Variants in PLEC observed in about 807,000 individuals in gnomAD.
The protein encoded by PLEC is hemidesmosomal protein 1.
In PLEC, 216 loss-of-function variants were observed where a neutral mutation model predicts 392.8. The ratio of observed to expected loss-of-function variants is 0.55; its 90% CI spans 0.49 to 0.62. The LOEUF (loss-of-function observed/expected upper bound fraction) is 0.62. Among genes scored for constraint, PLEC ranks in the 20% least tolerant of loss-of-function variants. The pLI is 0.00. For synonymous variants in PLEC, 3,621 were observed against 2,980.6 expected, an observed-to-expected ratio of 1.21 and a Z score of -7.00; for missense variants, 6,863 against 6,563.4, an observed-to-expected ratio of 1.05 and a Z score of -1.58.
intron 6 of PLEC, among the ~76,000 whole-genome samples, chr8:143,935,621 G>A (rs1210912470): frequency 6.6e-6 from 1 of 152,150 alleles, no homozygotes; most frequent in Non-Finnish European, 1.5e-5. Context: ...ACCTGGCTGT[G>A]AGGACCAGCA....
rs200892962 is a variant in PLEC at position 143,921,767 on chromosome 8, C to T, written c.8054G>A (p.Arg2685Gln). The T allele has an allele frequency of 4.5e-5, 72 of 1,612,092 alleles. No homozygotes were observed. Among genetic ancestry groups the T allele is most frequent in the South Asian group, 4.3e-4 (39 of 91,078 alleles). Residue 2685 changes from arginine (R) to glutamine (Q), a missense_variant, in exon 32 of 32, where the codon CGG becomes CAG. Physicochemically the swap from Arg to Gln is conservative, Grantham distance 43. Coordinates refer to ENST00000345136, the MANE Select transcript of PLEC (RefSeq NM_201384.3). Reference sequence around the variant, plus strand: ...CTGCAGGTAGTGGCGCACGTCTTCCCGCCGTGCGAGCTCGTCCACCGTGGT... The same window carrying T: ...CTGCAGGTAGTGGCGCACGTCTTCCTGCCGTGCGAGCTCGTCCACCGTGGT... ...GHTTVDELARREDVRHYLQGR... is the reference protein window; with the variant it reads ...GHTTVDELARQEDVRHYLQGR...
rs781956194 is a variant in PLEC, at chr8:143,923,288, G to A, written c.6641C>T (p.Ala2214Val). Residue 2214 changes from alanine (A) to valine (V), a missense_variant, in exon 31 of 32, where the codon GCG (alanine) becomes GTG (valine). By Grantham distance (64) the Ala-to-Val change is moderately conservative. Transcript: ENST00000345136. ...CTGGCGTGCGGCCTCCGTGGCCTCC[G>A]CCTTCAGCCGCTGCAGCTCCTCGTC... ...LLDEELQRLKAEATEAARQRS... is the reference protein window; with the variant it reads ...LLDEELQRLKVEATEAARQRS... 1.7e-5 allele frequency: 28 copies of A among 1,607,826 alleles called. No individual in the cohort carries two copies. Among genetic ancestry groups the A allele is most frequent in the South Asian group, 8.8e-5 (8 of 90,938 alleles).
chr8:143,928,951 G>A (rs1411508163), intron 25 of PLEC, 152 bp downstream of exon 25: 12 of 697,398 alleles, frequency 1.7e-5, no homozygotes, highest in Admixed American at 9.3e-5. Context: ...CCACCTCTGC[G>A]GCCACCACCC....
intron 1 of PLEC, among the ~76,000 whole-genome samples, chr8:143,960,243 T>C (rs1262106000): frequency 6.7e-6 from 1 of 150,008 alleles, no homozygotes; most frequent in African/African-American, 2.5e-5. Context: ...GATCATGCCA[T>C]TGTACTCCAG....
Position 143,922,369 on chromosome 8 carries a change from C to T in PLEC, c.7452G>A (p.Leu2484=), listed in dbSNP as rs1554689548. Residue 2484 remains leucine, a synonymous_variant, in exon 32 of 32, where the codon CTG becomes CTA. Transcript: ENST00000345136. ...GCTGCAGGGCCTGCGTCTCCTGCAG[C>T]AGCTGCTCCTGCTGCACCGTCTGCA... ...EEMQTVQQEQ[L]LQETQALQQS... 3.1e-6 allele frequency: 5 copies of T among 1,603,382 alleles called. No homozygotes were observed. The highest frequency in any genetic ancestry group is 1.7e-5 in the Admixed American group (1 of 60,002).
intron 1 of PLEC, among the ~76,000 whole-genome samples, chr8:143,963,809 A>AT (rs1190132489): frequency 0.22 from 25,836 of 119,900 alleles, 3,660 homozygotes; most frequent in Middle Eastern, 0.3. Context: ...CACCTGGCTA[A>AT]TTTTTTTTTT....
intron 1 of PLEC, among the ~76,000 whole-genome samples, chr8:143,948,845 C>T (rs1404956770): frequency 2.0e-5 from 3 of 151,902 alleles, no homozygotes; most frequent in South Asian, 2.1e-4. Context: ...GCCAAATGAC[C>T]GGGGAGTGGG....
chr8:143,923,916 T>C lies in PLEC; in HGVS notation c.6013A>G (p.Lys2005Glu). ...CGCTCGACTTCCTCCAGCGCCGCCT[T>C]CCGCTGCCGTGCGGCCTCCTCCTCG... ...AAEEEAARQRKAALEEVERLK... is the reference protein window; with the variant it reads ...AAEEEAARQREAALEEVERLK... Residue 2005 changes from lysine (K) to glutamate (E), a missense_variant, in exon 31 of 32, where the codon AAG (lysine) becomes GAG (glutamate). Transcript: ENST00000345136. 4 of 1,594,846 alleles carry C rather than the reference T, an allele frequency of 2.5e-6. No individual in the cohort carries two copies. The highest frequency in any genetic ancestry group is 3.4e-6 in the Non-Finnish European group (4 of 1,178,154).
chr8:143,942,600 T>A, upstream of PLEC: 1 of 1,433,066 alleles, frequency 7.0e-7, no homozygotes, highest in South Asian at 1.4e-5. Flanking sequence ...CAGCCCACGC[T>A]GCGAGGCTGC....
rs782631758 is a variant in PLEC, at chr8:143,921,078, C to T, written c.8743G>A (p.Gly2915Ser). The change falls in exon 32 of 32, where the codon GGC becomes AGC. Residue 2915 changes from glycine to serine, a missense_variant. Transcript: ENST00000345136. Reference sequence around the variant, plus strand: ...GTCACCGTCTTGCCCTGGAACTTGCCGAACGGCGCAGACACGGTGGCCTTC... The same window carrying T: ...GTCACCGTCTTGCCCTGGAACTTGCTGAACGGCGCAGACACGGTGGCCTTC... ...FEKATVSAPF[G>S]KFQGKTVTIW... 18 of 1,611,764 alleles carry T rather than the reference C, an allele frequency of 1.1e-5. No individual in the cohort carries two copies. Among genetic ancestry groups the T allele is most frequent in the South Asian group, 8.8e-5 (8 of 91,096 alleles).
rs782002558 is a variant in PLEC, at chr8:143,934,869, G to T, written c.886C>A (p.Arg296=). Residue 296 remains arginine (R), a synonymous_variant, in exon 9 of 32, where the codon CGA becomes AGA. Transcript: ENST00000345136. ...TCCTCAAAGGCGGCCGTGTGGTGTC[G>T]CATCCACTGAAGCAGCAGCAGCACC... is the stretch of plus-strand genomic sequence containing the variant. ...ELVLLLLQWM[R]HHTAAFEERR... is the part of the protein sequence containing the mutation. The T allele has an allele frequency of 5.6e-6, 9 of 1,611,116 alleles. No individual in the cohort carries two copies. Among genetic ancestry groups the T allele is most frequent in the Non-Finnish European group, 6.8e-6 (8 of 1,179,728 alleles).
At chr8:143,952,112 G>A (rs983599872), upstream of PLEC, among the ~76,000 whole-genome samples, 15 of 152,156 alleles carry the variant, frequency 9.9e-5, no homozygotes, top group Non-Finnish European at 2.9e-5. Flanking sequence ...CAGCCGGCAG[G>A]CGGCCAACAA....
chr8:143,934,313 C>T lies in PLEC; in HGVS notation c.1169+5G>A, dbSNP rs368341687. 5 of 1,611,920 alleles carry T rather than the reference C, an allele frequency of 3.1e-6. No individual in the cohort carries two copies. Among genetic ancestry groups the T allele is most frequent in the African/African-American group, 1.3e-5 (1 of 75,048 alleles). ...GTTCCCCTGCCACCACAGGGCCCCA[C>T]CCACCTCTCAAACTCGCTGCGGAGC... On this transcript the variant is annotated splice_donor_5th_base_variant and intron_variant, in intron 11 of 31. Coordinates refer to ENST00000345136, the MANE Select transcript of PLEC (RefSeq NM_201384.3).
At position 143,932,414 on chromosome 8, in the gene PLEC, T is replaced by C. The variant is rs782382496; in HGVS notation, c.1963A>G (p.Lys655Glu). 47 of 1,612,706 alleles carry C rather than the reference T, an allele frequency of 2.9e-5. No individual in the cohort carries two copies. The South Asian group carries it at 4.9e-4, about 17-fold the overall frequency. ...CCACCGCTCACCGAGTAGCTCTCCT[T>C]CTTGGCGGTCATGTTGGTGTTGCGG... ...SDRNTNMTAK[K>E]ESYSALMREL... is the part of the protein sequence containing the mutation. The change falls in exon 16 of 32, where the codon AAG becomes GAG. Residue 655 changes from lysine to glutamate, a missense_variant. Coordinates refer to ENST00000345136, the MANE Select transcript of PLEC (RefSeq NM_201384.3).
chr8:143,944,739 G>A (rs1217558613), intron 1 of PLEC: 1 of 1,262,062 alleles, frequency 7.9e-7, no homozygotes, highest in East Asian at 3.1e-5. Context: ...CCTCGGAGGA[G>A]GCACAAGCCA....
In PLEC at chr8:143,925,094, C is replaced by A. The variant is rs1041351510; in HGVS notation, c.4835G>T (p.Arg1612Leu). Residue 1612 changes from arginine to leucine, a missense_variant, in exon 31 of 32, where the codon CGG (arginine) becomes CTG (leucine). By Grantham distance (102) the Arg-to-Leu change is moderately radical. Transcript: ENST00000345136. ...AVAQLREEAE[R>L]RAQQQAEAER... Reference sequence around the variant, plus strand: ...GGCCTCGGCCTGCTGCTGTGCCCGCCGCTCAGCCTCCTCCCGCAGCTGTGC... The same window carrying A: ...GGCCTCGGCCTGCTGCTGTGCCCGCAGCTCAGCCTCCTCCCGCAGCTGTGC... 6.5e-7 allele frequency: 1 copy of A among 1,548,470 alleles called. No individual in the cohort carries two copies. The highest frequency in any genetic ancestry group is 2.4e-5 in the East Asian group (1 of 41,616).
intron 1 of PLEC, among the ~76,000 whole-genome samples, chr8:143,967,220 G>C (rs937255790): frequency 2.0e-5 from 3 of 151,846 alleles, no homozygotes; most frequent in Non-Finnish European, 4.4e-5. Context: ...AAAATTAGCT[G>C]GGCATGGTGG....
In PLEC at chr8:143,973,313, G is replaced by A. The variant is rs1479912812; in HGVS notation, c.70+90C>T. On this transcript the variant is annotated intron_variant, in intron 1 of 31. Coordinates refer to the PLEC transcript ENST00000356346. The surrounding 1 kb of genome is among the most constrained non-coding windows in gnomAD (Gnocchi z 5.6). ...CCGGCGGAGTGGCCGCGCTCGGGCC[G>A]GCGATCGGGACCGCCACCGTGGACG... 1.7e-5 allele frequency: 25 copies of A among 1,487,232 alleles called. No individual in the cohort carries two copies. In the Admixed American group the frequency reaches 4.2e-4, roughly 25 times the overall value. The allele number at this position is 1,487,232 out of a possible 1,614,324, so 92.1% of individuals were successfully genotyped here. A position where few individuals can be genotyped will look rare whatever the true frequency, so the allele number is the denominator to read the frequency against.
rs1554691302 is a variant in PLEC, at chr8:143,923,076, C to T, written c.6853G>A (p.Val2285Met). ...QVAEEAARLS[V>M]AAQEAARLRQ... ...AGTCGCGCAGCCTCTTGGGCCGCCA[C>T]ACTCAGCCGCGCGGCCTCCTCCGCC... is the stretch of plus-strand genomic sequence containing the variant. The change falls in exon 31 of 32, where the codon GTG becomes ATG. Residue 2285 changes from valine (V) to methionine (M), a missense_variant. Transcript: ENST00000345136. 1.2e-6 allele frequency: 2 copies of T among 1,608,928 alleles called. No homozygotes were observed. Among genetic ancestry groups the T allele is most frequent in the Non-Finnish European group, 1.7e-6 (2 of 1,179,800 alleles).
Sources: allele counts gnomAD v4.1 joint callset (sites outside exome capture counted in the v4.1 genomes callset), GRCh38; gene constraint gnomAD v4.1.1; non-coding constraint Gnocchi (gnomAD v3.1); transcripts MANE v1.5; gene names NCBI Gene and HGNC (gene_info 2026-07-23, HGNC 2026-07-21).